The following AKAP12 variants were observed in gnomAD, a reference collection of about 807,000 sequenced individuals.
The protein encoded by AKAP12 is A-kinase anchoring protein 12, also known as A-kinase anchor protein 12.
Under a neutral mutation model 79.9 loss-of-function variants are expected in AKAP12, and 32 were observed. That is an observed-to-expected ratio of 0.40 (90% CI 0.30 to 0.54). AKAP12 has a LOEUF of 0.54. Among genes scored for constraint, AKAP12 ranks in the 20% least tolerant of loss-of-function variants. AKAP12 has a pLI of 0.48. For missense variants in AKAP12, 2,074 were observed against 2,177.0 expected, an observed-to-expected ratio of 0.95 and a Z score of 0.94; for synonymous variants, 808 against 857.0, an observed-to-expected ratio of 0.94 and a Z score of 1.00.
chr6:151,348,697 C>CCTTTTTT lies in AKAP12; in HGVS notation c.320-14_320-13insCTTTTTT. The stretch of plus-strand genomic sequence containing the variant: ...TTCTCTTCTCCCCACCCCCCCGCCC[C>CCTTTTTT]TTTTTGTTAATAGTTGGACAGAGAG... On this transcript the variant is annotated splice_polypyrimidine_tract_variant and intron_variant, in intron 3 of 4. Transcript: ENST00000402676. The CCTTTTTT allele has an allele frequency of 1.5e-6, 1 of 650,664 alleles. No individual in the cohort carries two copies. The highest frequency in any genetic ancestry group is 2.4e-6 in the Non-Finnish European group (1 of 420,006). The allele number at this position is 650,664 out of a possible 1,614,324, so 40.3% of individuals were successfully genotyped here.
At chr6:151,248,704 T>G (rs1797120320) in intron 2 of AKAP12, among the ~76,000 whole-genome samples, 2 of 152,140 alleles carry the variant, frequency 1.3e-5, no homozygotes, top group African/African-American at 4.8e-5. Flanking sequence ...AAAAGTGGGT[T>G]GCTGGCCGGG....
chr6:151,267,081 T>C (rs1351740373), intron 2 of AKAP12, among the ~76,000 whole-genome samples: 2 of 150,796 alleles, frequency 1.3e-5, no homozygotes, highest in East Asian at 3.9e-4. Flanking sequence ...TGATAGGGTT[T>C]TAGATTGTTT....
In AKAP12 at chr6:151,279,856, G is replaced by A. The variant is rs75328629; in HGVS notation, c.163-25891G>A. 9.2e-3 allele frequency among the ~76,000 whole-genome samples: 1,390 copies of A among 151,834 alleles called. 111 individuals carry two copies. The East Asian group carries it at 0.14, about 15-fold the overall frequency. On this transcript the variant is annotated intron_variant, in intron 2 of 4. Transcript: ENST00000402676. ...AGTGAGACCTGGTCTCTTTAAAAAA[G>A]TAAATAAATAAGCAAGTGAAATCAA... is the stretch of plus-strand genomic sequence containing the variant.
At chr6:151,263,554 A>G (rs933611743) in intron 2 of AKAP12, among the ~76,000 whole-genome samples, 1 of 149,740 alleles carries the variant, frequency 6.7e-6, no homozygotes, top group African/African-American at 2.5e-5. Flanking sequence ...TACTCACTAT[A>G]CTCTCTTGAG....
At chr6:151,271,551 A>C (rs892428513) in intron 2 of AKAP12, among the ~76,000 whole-genome samples, 2 of 151,928 alleles carry the variant, frequency 1.3e-5, no homozygotes, top group African/African-American at 4.8e-5. Context: ...TGAACTCCTG[A>C]GGTCAAGCAA....
chr6:151,259,444 G>GTA (rs1158279974), intron 2 of AKAP12, among the ~76,000 whole-genome samples: 14 of 142,266 alleles, frequency 9.8e-5, no homozygotes, highest in East Asian at 4.1e-4. Context: ...GTATATATGT[G>GTA]TATATATATA....
chr6:151,259,470 G>GTATATA (rs549086594), intron 2 of AKAP12, among the ~76,000 whole-genome samples: 1 of 93,278 alleles, frequency 1.1e-5, no homozygotes, highest in South Asian at 3.8e-4. Context: ...ATATATACAT[G>GTATATA]TATATATATA....
chr6:151,271,587 G>T (rs1160252484), intron 2 of AKAP12, among the ~76,000 whole-genome samples: 1 of 151,978 alleles, frequency 6.6e-6, no homozygotes, highest in Admixed American at 6.6e-5. Context: ...CTCCCAAAGT[G>T]CTGGGATTAC....
intron 2 of AKAP12, among the ~76,000 whole-genome samples, chr6:151,259,457 CACAT>C (rs1797369034): frequency 7.0e-6 from 1 of 143,766 alleles, no homozygotes. Context: ...TATATATACA[CACAT>C]ATATACATGT....
At chr6:151,242,643 C>T (rs894946852) in intron 2 of AKAP12, among the ~76,000 whole-genome samples, 2 of 152,244 alleles carry the variant, frequency 1.3e-5, no homozygotes, top group African/African-American at 4.8e-5. Context: ...TGCCTCCCCT[C>T]TTCTTGTTAA....
intron 3 of AKAP12, among the ~76,000 whole-genome samples, chr6:151,326,938 T>C (rs1024061390): frequency 6.6e-6 from 1 of 152,086 alleles, no homozygotes; most frequent in Non-Finnish European, 1.5e-5. Flanking sequence ...TGCCTCAGCC[T>C]CCCGAGTAGC....
At position 151,349,946 on chromosome 6, in the gene AKAP12, C is replaced by A; in HGVS notation, c.1555C>A (p.Leu519Ile). The A allele has an allele frequency of 1.9e-6, 3 of 1,614,132 alleles. No homozygotes were observed. The highest frequency in any genetic ancestry group is 2.5e-6 in the Non-Finnish European group (3 of 1,179,998). ...MKVQGSPLKK[L>I]FTSTGLKKLS... The stretch of plus-strand genomic sequence containing the variant: ...GGTGCAGGGAAGTCCACTAAAGAAG[C>A]TTTTTACCAGCACTGGCTTAAAAAA... The change falls in exon 4 of 5, where the codon CTT becomes ATT. Residue 519 changes from leucine to isoleucine, a missense_variant. Physicochemically the swap from Leu to Ile is conservative, Grantham distance 5. Around this residue, in one of 3 missense-constraint regions of AKAP12, gnomAD observed 1,428 missense variants for 1,451.0 expected, o/e 0.98. Coordinates refer to ENST00000402676, the MANE Select transcript of AKAP12 (RefSeq NM_005100.4).
intron 2 of AKAP12, among the ~76,000 whole-genome samples, chr6:151,274,359 G>A (rs1203533306): frequency 6.6e-5 from 10 of 152,124 alleles, no homozygotes; most frequent in South Asian, 2.1e-4. Context: ...GACTACAGGC[G>A]TGAGCCACTG....
At chr6:151,297,443 C>A (rs538006834) in intron 2 of AKAP12, among the ~76,000 whole-genome samples, 1 of 151,626 alleles carries the variant, frequency 6.6e-6, no homozygotes, top group Non-Finnish European at 1.5e-5. Context: ...TGTGGTGGTG[C>A]GCACCTGTAA....
At chr6:151,340,339 C>T (rs899249281) in intron 3 of AKAP12, among the ~76,000 whole-genome samples, 2 of 151,440 alleles carry the variant, frequency 1.3e-5, no homozygotes, top group Non-Finnish European at 2.9e-5. Context: ...CAAGTTTTGG[C>T]AATTATGCAT....
chr6:151,325,224 G>C, intron 3 of AKAP12: 1 of 985,418 alleles, frequency 1.0e-6, no homozygotes, highest in South Asian at 4.7e-5. Flanking sequence ...ATGCCAAGAA[G>C]GGAGGTGTTG....
At chr6:151,333,922 A>G (rs1016812980) in intron 3 of AKAP12, among the ~76,000 whole-genome samples, 3 of 151,634 alleles carry the variant, frequency 2.0e-5, no homozygotes, top group Non-Finnish European at 2.9e-5. Flanking sequence ...GAGGAGGGGG[A>G]GGTCAGCACA....
intron 3 of AKAP12, chr6:151,348,316 C>G: frequency 4.7e-6 from 2 of 423,278 alleles, no homozygotes; most frequent in Admixed American, 2.7e-5. Context: ...CAGAGTGAGA[C>G]TCTGTCTCAA....
At chr6:151,338,184 G>A (rs983801843) in intron 3 of AKAP12, among the ~76,000 whole-genome samples, 11 of 152,182 alleles carry the variant, frequency 7.2e-5, no homozygotes, top group East Asian at 1.9e-4. Context: ...ATACATTTAC[G>A]TTATTACAGA....
Sources: gnomAD v4.1 joint callset for allele counts (sites outside exome capture counted in the v4.1 genomes callset) on GRCh38, gnomAD v4.1.1 for gene constraint, gnomAD v4.1.1 regional missense constraint, MANE v1.5 for transcripts, NCBI Gene and HGNC (gene_info 2026-07-23, HGNC 2026-07-21) for gene names.